The following RAVER2 variants were observed in gnomAD, a reference collection of about 807,000 sequenced individuals.
RAVER2 encodes ribonucleoprotein, PTB binding 2.
RAVER2 carries 46 observed loss-of-function variants against 78.1 expected under a neutral mutation model. That is an observed-to-expected ratio of 0.59 (90% CI 0.46 to 0.75). The LOEUF (loss-of-function observed/expected upper bound fraction) is 0.75, where lower values mean the gene tolerates loss of function less well. Among genes scored for constraint, RAVER2 ranks in the 30% least tolerant of loss-of-function variants. The pLI is 0.00. For synonymous variants in RAVER2, 311 were observed against 313.3 expected, an observed-to-expected ratio of 0.99 and a Z score of 0.08; for missense variants, 793 against 837.5, an observed-to-expected ratio of 0.95 and a Z score of 0.66.
intron 2 of RAVER2, among the ~76,000 whole-genome samples, chr1:64,774,761 T>C (rs1486677094): frequency 6.6e-6 from 1 of 152,230 alleles, no homozygotes; most frequent in Non-Finnish European, 1.5e-5. Flanking sequence ...ATAAATTACT[T>C]TGGGCAGTAT....
At chr1:64,763,080 C>T (rs576884472) in intron 1 of RAVER2, among the ~76,000 whole-genome samples, 6 of 152,224 alleles carry the variant, frequency 3.9e-5, no homozygotes, top group East Asian at 3.9e-4. Context: ...GAGGCCAAGG[C>T]GGGCAGATCA....
At chr1:64,779,787 C>T (rs988185713) in intron 3 of RAVER2, among the ~76,000 whole-genome samples, 3 of 150,740 alleles carry the variant, frequency 2.0e-5, no homozygotes, top group East Asian at 1.9e-4. Flanking sequence ...TGAACCCCCC[C>T]GAGTTGGAAG....
At chr1:64,783,869 T>A (rs1186751946) in intron 4 of RAVER2, among the ~76,000 whole-genome samples, 1 of 152,224 alleles carries the variant, frequency 6.6e-6, no homozygotes, top group Non-Finnish European at 1.5e-5. Context: ...CAGCAAAAGA[T>A]ACTGGGCTTT....
exon 9 of RAVER2, chr1:64,807,373 C>A: frequency 6.2e-7 from 1 of 1,614,108 alleles, no homozygotes; most frequent in Non-Finnish European, 8.5e-7. Context: ...AGGGTCGCAG[C>A]CTTATCTTCA....
chr1:64,775,088 G>A (rs1255083036), intron 2 of RAVER2, among the ~76,000 whole-genome samples: 1 of 152,128 alleles, frequency 6.6e-6, no homozygotes, highest in African/African-American at 2.4e-5. Flanking sequence ...TGAGATGATG[G>A]GGTTTTCTAA....
chr1:64,802,370 C>A (rs1186228690), intron 5 of RAVER2, among the ~76,000 whole-genome samples: 1 of 152,114 alleles, frequency 6.6e-6, no homozygotes, highest in East Asian at 1.9e-4. Flanking sequence ...CTGACACCCC[C>A]CACCTGCTCC....
At chr1:64,776,111 AT>A (rs1300195740) in intron 2 of RAVER2, among the ~76,000 whole-genome samples, 2 of 152,048 alleles carry the variant, frequency 1.3e-5, no homozygotes, top group African/African-American at 4.8e-5. Context: ...ATGACCTGAG[AT>A]TTTATGGGCT....
At chr1:64,769,334 G>A (rs931632720) in intron 2 of RAVER2, among the ~76,000 whole-genome samples, 1 of 151,896 alleles carries the variant, frequency 6.6e-6, no homozygotes, top group African/African-American at 2.4e-5. Context: ...TGGTAAAAAG[G>A]AACATTACAG....
At chr1:64,822,969 C>G (rs1217098823) in intron 11 of RAVER2, among the ~76,000 whole-genome samples, 2 of 151,968 alleles carry the variant, frequency 1.3e-5, no homozygotes, top group Non-Finnish European at 2.9e-5. Flanking sequence ...TATGAAATAT[C>G]CAGAATAGGC....
chr1:64,748,410 T>C (rs957083950), intron 1 of RAVER2, among the ~76,000 whole-genome samples: 1 of 152,220 alleles, frequency 6.6e-6, no homozygotes, highest in Non-Finnish European at 1.5e-5. Flanking sequence ...TGAGGGATAC[T>C]CCTGAAGCAC....
chr1:64,828,157 A>ACCC (rs200329508), intron 11 of RAVER2, among the ~76,000 whole-genome samples: 7 of 51,296 alleles, frequency 1.4e-4, no homozygotes, highest in East Asian at 7.2e-4. Context: ...TTTCAAACCC[A>ACCC]CCCCCCCCAC....
chr1:64,812,833 C>T (rs1392963092), exon 10 of RAVER2: 1 of 1,607,204 alleles, frequency 6.2e-7, no homozygotes, highest in Non-Finnish European at 8.5e-7. Flanking sequence ...GTGTGTTGCC[C>T]AGTGTGTGCT....
At chr1:64,812,714 C>G (rs774512404) in intron 9 of RAVER2, 24 bp from the exon 10 acceptor site, 1 of 1,506,188 alleles carries the variant, frequency 6.6e-7, no homozygotes, top group African/African-American at 1.4e-5. Context: ...ATTAAGTACT[C>G]CCTCCTTTGT....
intron 5 of RAVER2, among the ~76,000 whole-genome samples, chr1:64,792,549 T>A (rs551135207): frequency 6.6e-6 from 1 of 152,362 alleles, no homozygotes; most frequent in East Asian, 1.9e-4. Flanking sequence ...TCCACTCTGC[T>A]GTTCTACTCA....
rs1416720502 is a variant in RAVER2 at position 64,810,154 on chromosome 1, C to CT, written c.1681-2578dup. The stretch of plus-strand genomic sequence containing the variant: ...TTTAATTTTTGTTGGAACTGTCATC[C>CT]TTTTTTCCACAGCAGCTGCACCATT... On this transcript the variant is annotated intron_variant, in intron 9 of 11. Transcript: ENST00000294428. 2.0e-5 allele frequency among the ~76,000 whole-genome samples: 3 copies of CT among 152,132 alleles called. No individual in the cohort carries two copies. In the East Asian group the frequency reaches 5.8e-4, roughly 29 times the overall value.
At chr1:64,791,055 A>G (rs1652925642) in intron 5 of RAVER2, among the ~76,000 whole-genome samples, 1 of 152,176 alleles carries the variant, frequency 6.6e-6, no homozygotes, top group African/African-American at 2.4e-5. Context: ...TGACTCACAG[A>G]ACTTAGGAAA....
At chr1:64,774,039 G>A (rs1174315872) in intron 2 of RAVER2, among the ~76,000 whole-genome samples, 1 of 152,020 alleles carries the variant, frequency 6.6e-6, no homozygotes, top group Non-Finnish European at 1.5e-5. Context: ...TTTTTTTCTT[G>A]TAAATTTGTT....
chr1:64,746,450 C>T (rs1223717364), intron 1 of RAVER2, among the ~76,000 whole-genome samples: 2 of 152,090 alleles, frequency 1.3e-5, no homozygotes, highest in African/African-American at 2.4e-5. Context: ...CTGGTAGTTG[C>T]GGATTTGTAG....
chr1:64,803,814 A>G (rs1653337403), intron 6 of RAVER2, among the ~76,000 whole-genome samples: 1 of 152,200 alleles, frequency 6.6e-6, no homozygotes, highest in Non-Finnish European at 1.5e-5. Context: ...TACTGTGTGG[A>G]ATGTAACATT....
Sources: allele counts gnomAD v4.1 joint callset (sites outside exome capture counted in the v4.1 genomes callset), GRCh38; gene constraint gnomAD v4.1.1; transcripts MANE v1.5; gene names NCBI Gene and HGNC (gene_info 2026-07-23, HGNC 2026-07-21).